CHRM3: variants seen among roughly 807,000 people sequenced by gnomAD.
The protein encoded by CHRM3 is cholinergic receptor muscarinic 3, also known as muscarinic acetylcholine receptor M3.
CHRM3 carries 11 observed loss-of-function variants against 41.8 expected under a neutral mutation model. That is an observed-to-expected ratio of 0.26 (90% CI 0.17 to 0.44). CHRM3 has a LOEUF of 0.44. Among genes scored for constraint, CHRM3 ranks in the 20% least tolerant of loss-of-function variants. The pLI, the probability that CHRM3 is intolerant of heterozygous loss-of-function variation, is 1.00. For synonymous variants in CHRM3, 297 were observed against 301.4 expected, an observed-to-expected ratio of 0.99 and a Z score of 0.15; for missense variants, 571 against 745.4, an observed-to-expected ratio of 0.77 and a Z score of 2.72.
chr1:239,712,148 T>A (rs1247236668), intron 5 of CHRM3, among the ~76,000 whole-genome samples: 1 of 152,220 alleles, frequency 6.6e-6, no homozygotes, highest in African/African-American at 2.4e-5. Flanking sequence ...ATCTTTGTCA[T>A]GAGCATAGGA....
intron 6 of CHRM3, among the ~76,000 whole-genome samples, chr1:239,828,578 G>C (rs1432777329): frequency 6.6e-6 from 1 of 152,126 alleles, no homozygotes; most frequent in Non-Finnish European, 1.5e-5. Flanking sequence ...GAAGGGACCA[G>C]GTCAATGAAG....
chr1:239,496,884 C>T (rs2148106679), intron 2 of CHRM3, among the ~76,000 whole-genome samples: 1 of 152,164 alleles, frequency 6.6e-6, no homozygotes, highest in Non-Finnish European at 1.5e-5. Context: ...CCCAGCCAGT[C>T]CTCCTATGTG....
intron 3 of CHRM3, chr1:239,629,138 G>A (rs1053473712): frequency 7.1e-6 from 1 of 140,228 alleles, no homozygotes; most frequent in African/African-American, 2.7e-5. Flanking sequence ...AGACTGCTGT[G>A]CTAGCAATCA....
At chr1:239,458,891 C>A (rs997589252) in intron 1 of CHRM3, among the ~76,000 whole-genome samples, 1 of 152,112 alleles carries the variant, frequency 6.6e-6, no homozygotes, top group Non-Finnish European at 1.5e-5. Flanking sequence ...TGGGAGACCC[C>A]CCCCCATCAG....
At position 239,807,818 on chromosome 1, in the gene CHRM3, G is replaced by GCACA. The variant is rs57650107; in HGVS notation, c.-146-19409_-146-19406dup. Among the ~76,000 whole-genome samples, 89 of 148,520 alleles carry GCACA rather than the reference G, an allele frequency of 6.0e-4. 1 individual carries two copies. Among genetic ancestry groups the GCACA allele is most frequent in the African/African-American group, 1.0e-3 (42 of 40,834 alleles). ...ATGTAATTGAGTGTTTTTGCTTTGC[G>GCACA]CACACACACACACACACACACACAC... On this transcript the variant is annotated intron_variant, in intron 5 of 6. Coordinates refer to ENST00000676153, the MANE Select transcript of CHRM3 (RefSeq NM_001375978.1).
chr1:239,392,921 CA>C (rs2102925516), intron 1 of CHRM3, among the ~76,000 whole-genome samples: 1 of 152,282 alleles, frequency 6.6e-6, no homozygotes, highest in Non-Finnish European at 1.5e-5. Context: ...AATTCTTGCC[CA>C]CAGCCATTTG....
chr1:239,627,813 G>T (rs974609003), intron 3 of CHRM3, among the ~76,000 whole-genome samples: 1 of 150,130 alleles, frequency 6.7e-6, no homozygotes, highest in African/African-American at 2.5e-5. Context: ...TTTTCTTTAA[G>T]AACGTTGAAT....
At chr1:239,728,590 A>G (rs1353271372) in intron 5 of CHRM3, among the ~76,000 whole-genome samples, 1 of 152,062 alleles carries the variant, frequency 6.6e-6, no homozygotes, top group African/African-American at 2.4e-5. Flanking sequence ...ACAATTGACA[A>G]GTCTCTATAA....
chr1:239,641,376 C>T, intron 4 of CHRM3, among the ~76,000 whole-genome samples: 1 of 149,816 alleles, frequency 6.7e-6, no homozygotes, highest in East Asian at 2.0e-4. Context: ...GTTAAAGTCT[C>T]CCATTATTAT....
At chr1:239,688,596 A>T (rs929728594) in intron 5 of CHRM3, among the ~76,000 whole-genome samples, 1 of 133,640 alleles carries the variant, frequency 7.5e-6, no homozygotes, top group African/African-American at 2.8e-5. Flanking sequence ...CATATAATAT[A>T]ATATATTATA....
At chr1:239,726,394 T>C (rs1254949364) in intron 5 of CHRM3, among the ~76,000 whole-genome samples, 2 of 151,988 alleles carry the variant, frequency 1.3e-5, no homozygotes, top group African/African-American at 4.8e-5. Flanking sequence ...TAGATTCTAT[T>C]TATTGATCAT....
intron 2 of CHRM3, among the ~76,000 whole-genome samples, chr1:239,538,795 T>C (rs1172214684): frequency 1.3e-5 from 2 of 152,192 alleles, no homozygotes; most frequent in Non-Finnish European, 2.9e-5. Flanking sequence ...CAGTAGCAAT[T>C]TGAAACAAGC....
chr1:239,401,583 C>T (rs1309007126), intron 1 of CHRM3, among the ~76,000 whole-genome samples: 3 of 151,878 alleles, frequency 2.0e-5, no homozygotes, highest in East Asian at 1.9e-4. Flanking sequence ...CTCCGCCTTC[C>T]GGATTTAAGC....
intron 5 of CHRM3, among the ~76,000 whole-genome samples, chr1:239,683,409 C>T (rs562144380): frequency 2.0e-5 from 3 of 152,076 alleles, no homozygotes; most frequent in Admixed American, 6.6e-5. Flanking sequence ...AGAGAGACAT[C>T]GTTTTTAAAG....
chr1:239,778,896 A>AT (rs1416307705), intron 5 of CHRM3, among the ~76,000 whole-genome samples: 1 of 152,162 alleles, frequency 6.6e-6, no homozygotes, highest in African/African-American at 2.4e-5. Context: ...TCCTATCCTT[A>AT]AAAGAGACAC....
At chr1:239,437,421 G>GT (rs1189380939) in intron 1 of CHRM3, among the ~76,000 whole-genome samples, 2 of 152,288 alleles carry the variant, frequency 1.3e-5, no homozygotes, top group African/African-American at 4.8e-5. Flanking sequence ...TGCCACTGTT[G>GT]TTTCTTCCAG....
chr1:239,576,137 A>G (rs554478696), intron 3 of CHRM3, among the ~76,000 whole-genome samples: 2 of 152,162 alleles, frequency 1.3e-5, no homozygotes, highest in South Asian at 4.1e-4. Context: ...GTTGTGTCAT[A>G]TGTCACAATA....
At chr1:239,615,354 A>G (rs1461350511) in intron 3 of CHRM3, among the ~76,000 whole-genome samples, 6 of 152,140 alleles carry the variant, frequency 3.9e-5, no homozygotes, top group Admixed American at 2.0e-4. Flanking sequence ...GTAATCAGCT[A>G]GAAATCGGGT....
At chr1:239,455,010 A>ATTACATTACTGAC (rs1039462952) in intron 1 of CHRM3, among the ~76,000 whole-genome samples, 6 of 152,106 alleles carry the variant, frequency 3.9e-5, no homozygotes, top group African/African-American at 1.4e-4. Flanking sequence ...TTACTGACTT[A>ATTACATTACTGAC]TGTATTTACT....
Sources: allele counts gnomAD v4.1 joint callset (sites outside exome capture counted in the v4.1 genomes callset), GRCh38; gene constraint gnomAD v4.1.1; transcripts MANE v1.5; gene names NCBI Gene and HGNC (gene_info 2026-07-23, HGNC 2026-07-21).